NRXN3: variants seen among roughly 807,000 people sequenced by gnomAD.
NRXN3 encodes the protein neurexin 3.
NRXN3 carries 32 observed loss-of-function variants against 137.6 expected under a neutral mutation model. The observed-to-expected ratio is 0.23, with a 90% CI of 0.18 to 0.31. The LOEUF (loss-of-function observed/expected upper bound fraction) is 0.31, where lower values mean the gene tolerates loss of function less well. Ranked by LOEUF, NRXN3 falls within the 10% of genes least tolerant of loss-of-function variation. NRXN3 has a pLI of 1.00. For missense variants in NRXN3, 1,574 were observed against 2,062.5 expected, an observed-to-expected ratio of 0.76 and a Z score of 4.59; for synonymous variants, 798 against 784.5, an observed-to-expected ratio of 1.02 and a Z score of -0.29.
intron 10 of NRXN3, among the ~76,000 whole-genome samples, chr14:78,874,178 G>C (rs1274346214): frequency 6.6e-6 from 1 of 151,986 alleles, no homozygotes; most frequent in Non-Finnish European, 1.5e-5. Flanking sequence ...CACCATGTTG[G>C]CCAGGCTGGT....
At chr14:78,568,799 T>A (rs2096860328) in intron 4 of NRXN3, among the ~76,000 whole-genome samples, 1 of 152,124 alleles carries the variant, frequency 6.6e-6, no homozygotes, top group African/African-American at 2.4e-5. Flanking sequence ...AGGGAAAACA[T>A]ACCACAACAT....
chr14:79,724,332 T>C (rs1366209613), intron 19 of NRXN3, among the ~76,000 whole-genome samples: 2 of 152,094 alleles, frequency 1.3e-5, no homozygotes, highest in African/African-American at 2.4e-5. Flanking sequence ...TCCACAGACA[T>C]CAGAAAATGT....
chr14:79,516,757 A>G (rs1231688624), intron 16 of NRXN3, among the ~76,000 whole-genome samples: 1 of 152,132 alleles, frequency 6.6e-6, no homozygotes, highest in Non-Finnish European at 1.5e-5. Flanking sequence ...ATAACAACAT[A>G]CTGTATATAT....
intron 6 of NRXN3, among the ~76,000 whole-genome samples, chr14:78,684,036 C>T (rs2098102732): frequency 6.6e-6 from 1 of 152,172 alleles, no homozygotes; most frequent in Non-Finnish European, 1.5e-5. Context: ...AAGATTCTCA[C>T]TTTTCTACTT....
At position 78,354,805 on chromosome 14, in the gene NRXN3, C is replaced by A. The variant is rs968222151; in HGVS notation, c.757+56945C>A. On this transcript the variant is annotated intron_variant, in intron 4 of 20. Coordinates refer to ENST00000335750, the MANE Select transcript of NRXN3 (RefSeq NM_001330195.2). ...AAGGTTTATGTGCTCTCTGAAGGAA[C>A]AAGGACTAGAAAATCTCTGCAGGGA... Among the ~76,000 whole-genome samples, 4 of 152,300 alleles carry A rather than the reference C, an allele frequency of 2.6e-5. No individual in the cohort carries two copies. The South Asian group carries it at 8.3e-4, about 32-fold the overall frequency.
intron 16 of NRXN3, among the ~76,000 whole-genome samples, chr14:79,630,755 A>T (rs146733444): frequency 3.9e-5 from 6 of 152,290 alleles, no homozygotes; most frequent in African/African-American, 1.4e-4. Flanking sequence ...TTCTATAAAT[A>T]AAAAATTTAG....
intron 16 of NRXN3, among the ~76,000 whole-genome samples, chr14:79,596,581 G>GCACT (rs111400078): frequency 0.35 from 52,551 of 151,588 alleles, 9,679 homozygotes; most frequent in African/African-American, 0.47. Context: ...TTGGACAGGA[G>GCACT]CACTCTCTCT....
intron 2 of NRXN3, among the ~76,000 whole-genome samples, chr14:78,253,096 C>G (rs572745566): frequency 6.6e-6 from 1 of 152,134 alleles, no homozygotes; most frequent in Non-Finnish European, 1.5e-5. Flanking sequence ...CCTTGAAAGA[C>G]AAATCCTCCC....
intron 16 of NRXN3, among the ~76,000 whole-genome samples, chr14:79,642,873 A>G (rs557050175): frequency 7.3e-6 from 1 of 136,600 alleles, no homozygotes; most frequent in African/African-American, 2.4e-5. Context: ...TCTAAAACCC[A>G]GAGGTCCCAA....
chr14:79,002,715 G>T (rs7157503), intron 15 of NRXN3, among the ~76,000 whole-genome samples: 29,013 of 152,080 alleles, frequency 0.19, 7,720 homozygotes, highest in African/African-American at 0.6. Context: ...ATGACTTATA[G>T]TCCTTTGGGT....
intron 15 of NRXN3, among the ~76,000 whole-genome samples, chr14:79,430,605 C>T (rs2095736167): frequency 6.6e-6 from 1 of 152,164 alleles, no homozygotes; most frequent in African/African-American, 2.4e-5. Context: ...TAAAAAATCT[C>T]TATTCCTTAT....
intron 6 of NRXN3, among the ~76,000 whole-genome samples, chr14:78,688,770 G>T (rs1335240215): frequency 6.6e-6 from 1 of 152,118 alleles, no homozygotes; most frequent in Non-Finnish European, 1.5e-5. Context: ...AGAAAAACCA[G>T]TGCCAGCATA....
intron 4 of NRXN3, among the ~76,000 whole-genome samples, chr14:78,398,507 T>G (rs989318233): frequency 6.6e-6 from 1 of 152,156 alleles, no homozygotes; most frequent in Non-Finnish European, 1.5e-5. Context: ...TTGGCCAATA[T>G]TGACACATGA....
At chr14:79,658,739 C>T (rs981594924) in intron 16 of NRXN3, among the ~76,000 whole-genome samples, 1 of 152,176 alleles carries the variant, frequency 6.6e-6, no homozygotes, top group Non-Finnish European at 1.5e-5. Context: ...GCATTATTTA[C>T]ATATTGCCTT....
At chr14:79,128,470 G>A (rs1191835465) in intron 15 of NRXN3, among the ~76,000 whole-genome samples, 1 of 150,218 alleles carries the variant, frequency 6.7e-6, no homozygotes, top group Non-Finnish European at 1.5e-5. Context: ...TTTATATGCT[G>A]GATTACATTT....
chr14:78,679,362 CT>C (rs1253840919), intron 6 of NRXN3, among the ~76,000 whole-genome samples: 1 of 152,042 alleles, frequency 6.6e-6, no homozygotes, highest in Non-Finnish European at 1.5e-5. Flanking sequence ...AGTGTGGACC[CT>C]TTTTTGTGTT....
chr14:79,356,894 A>C (rs920207356), intron 15 of NRXN3, among the ~76,000 whole-genome samples: 1 of 151,916 alleles, frequency 6.6e-6, no homozygotes, highest in Non-Finnish European at 1.5e-5. Context: ...AGGCCTAGCT[A>C]ATTTTTGTAT....
intron 4 of NRXN3, among the ~76,000 whole-genome samples, chr14:78,585,382 C>G (rs2097052389): frequency 6.6e-6 from 1 of 151,982 alleles, no homozygotes; most frequent in Non-Finnish European, 1.5e-5. Flanking sequence ...TCTGAGCTTC[C>G]AAGGGGCCAG....
intron 11 of NRXN3, among the ~76,000 whole-genome samples, chr14:78,962,948 G>A (rs757816930): frequency 1.4e-4 from 21 of 152,020 alleles, no homozygotes; most frequent in African/African-American, 5.1e-4. Context: ...TCCTGACCTC[G>A]TGATCCACCC....
Sources: gnomAD v4.1 joint callset for allele counts (sites outside exome capture counted in the v4.1 genomes callset) on GRCh38, gnomAD v4.1.1 for gene constraint, MANE v1.5 for transcripts, NCBI Gene and HGNC (gene_info 2026-07-23, HGNC 2026-07-21) for gene names.